Variants in GCNT2 observed in about 807,000 individuals in gnomAD.
GCNT2 encodes the protein N-acetyllactosaminide beta-1,6-N-acetylglucosaminyl-transferase.
Under a neutral mutation model 34.2 loss-of-function variants are expected in GCNT2, and 34 were observed. The observed-to-expected ratio is 1.00, with a 90% confidence interval of 0.76 to 1.32. GCNT2 has a LOEUF of 1.32. GCNT2 is among the 40% of genes most tolerant of loss of function. The pLI, the probability that GCNT2 is intolerant of heterozygous loss-of-function variation, is 0.00. For synonymous variants in GCNT2, 212 were observed against 188.0 expected (o/e 1.13, Z -1.04); for missense variants, 584 against 489.4 (o/e 1.19, Z -1.82).
chr6:10,608,508 A>G (rs1765420589), intron 3 of GCNT2, among the ~76,000 whole-genome samples: 1 of 152,058 alleles, frequency 6.6e-6, no homozygotes, highest in South Asian at 2.1e-4. Context: ...GGGCATTATT[A>G]TTTTCTAAAT....
chr6:10,595,713 T>C (rs1485148522), intron 3 of GCNT2, among the ~76,000 whole-genome samples: 1 of 152,258 alleles, frequency 6.6e-6, no homozygotes, highest in African/African-American at 2.4e-5. Context: ...ACAATTATTC[T>C]ATGTAGGTTT....
chr6:10,557,172 C>T (rs1332579614), intron 3 of GCNT2: 8 of 1,547,648 alleles, frequency 5.2e-6, no homozygotes, highest in South Asian at 1.3e-5. Flanking sequence ...GCGTTGAAAC[C>T]GCCTCCCCCC....
intron 4 of GCNT2, among the ~76,000 whole-genome samples, chr6:10,625,954 T>G (rs1235734062): frequency 6.6e-6 from 1 of 152,224 alleles, no homozygotes; most frequent in Non-Finnish European, 1.5e-5. Context: ...ATAAAAAAGT[T>G]ATGTGTAATA....
chr6:10,605,413 T>A (rs1208861250), intron 3 of GCNT2, among the ~76,000 whole-genome samples: 1 of 151,554 alleles, frequency 6.6e-6, no homozygotes, highest in Non-Finnish European at 1.5e-5. Flanking sequence ...TTTCATCATG[T>A]TGCCCAGGCT....
In GCNT2 at chr6:10,629,203, A is replaced by T. The variant is rs186051583; in HGVS notation, c.*2596A>T. 3 of 152,664 alleles carry T rather than the reference A, an allele frequency of 2.0e-5. No individual in the cohort carries two copies. The highest frequency in any genetic ancestry group is 4.8e-5 in the African/African-American group (2 of 41,460). The allele number at this position is 152,664 out of a possible 1,614,324, so 9.5% of individuals were successfully genotyped here. A position where few individuals can be genotyped will look rare whatever the true frequency, so the allele number is the denominator to read the frequency against. On this transcript the variant is annotated 3_prime_UTR_variant, in exon 5 of 5. Coordinates refer to ENST00000495262, the MANE Select transcript of GCNT2 (RefSeq NM_145649.5). ...GATGTTTACATGTCTGTTGTTGGTC[A>T]TCTCTCCTGTGTCTTAAATACTTTA...
rs1037256654 is a variant in GCNT2, at chr6:10,627,810, A to G, written c.*1203A>G. 4 of 152,208 alleles carry G rather than the reference A, an allele frequency of 2.6e-5. No individual in the cohort carries two copies. Among genetic ancestry groups the G allele is most frequent in the African/African-American group, 9.7e-5 (4 of 41,444 alleles). 9.4% of individuals were successfully genotyped at this position (152,208 alleles called of 1,614,324 possible). On this transcript the variant is annotated 3_prime_UTR_variant, in exon 5 of 5. Coordinates refer to ENST00000495262, the MANE Select transcript of GCNT2 (RefSeq NM_145649.5). ...GGAACACACAGGGCTGTGTAGCATG[A>G]TACCAGGCCCAGGAGATCAGTAATT...
intron 3 of GCNT2, among the ~76,000 whole-genome samples, chr6:10,546,423 C>A (rs1247786412): frequency 2.0e-5 from 3 of 152,120 alleles, no homozygotes; most frequent in Admixed American, 2.0e-4. Flanking sequence ...CTTTGGGAAG[C>A]CGAGGTGGGC....
chr6:10,626,564 T>C lies in GCNT2; in HGVS notation c.1166T>C (p.Leu389Pro), dbSNP rs1766266519. Residue 389 changes from leucine to proline, a missense_variant, in exon 5 of 5, where the codon CTC (leucine) becomes CCC (proline). Physicochemically the swap from Leu to Pro is moderately conservative, Grantham distance 98. Coordinates refer to ENST00000495262, the MANE Select transcript of GCNT2 (RefSeq NM_145649.5). ...GAACTGAGGCATCGCGAAAGAACCC[T>C]CAATCAGAGTGAAACTGCGATACAA... Reference protein sequence around the residue: ...CLELRHRERTLNQSETAIQPS... With the variant: ...CLELRHRERTPNQSETAIQPS... 1 of 1,613,584 alleles carries C rather than the reference T, an allele frequency of 6.2e-7. No homozygotes were observed. Among genetic ancestry groups the C allele is most frequent in the African/African-American group, 1.3e-5 (1 of 74,916 alleles).
intron 3 of GCNT2, among the ~76,000 whole-genome samples, chr6:10,546,500 T>C (rs149579422): frequency 0.01 from 1,590 of 151,916 alleles, 29 homozygotes; most frequent in African/African-American, 0.036. Flanking sequence ...CTACTAAAAA[T>C]ACAAAAAAAT....
At position 10,627,497 on chromosome 6, in the gene GCNT2, C is replaced by T. The variant is rs1055563185; in HGVS notation, c.*890C>T. 4 of 152,130 alleles carry T rather than the reference C, an allele frequency of 2.6e-5. No individual in the cohort carries two copies. Among genetic ancestry groups the T allele is most frequent in the Admixed American group, 2.6e-4 (4 of 15,272 alleles). The allele number at this position is 152,130 out of a possible 1,614,324, so 9.4% of individuals were successfully genotyped here. On this transcript the variant is annotated 3_prime_UTR_variant, in exon 5 of 5. Coordinates refer to ENST00000495262, the MANE Select transcript of GCNT2 (RefSeq NM_145649.5). ...CTATCCTGTGAGGCTTTTAATTGCA[C>T]CATAGTATGCTCTGAGTAGCTTTAC...
intron 3 of GCNT2, among the ~76,000 whole-genome samples, chr6:10,616,145 G>A (rs1301545141): frequency 2.7e-5 from 4 of 149,862 alleles, no homozygotes; most frequent in East Asian, 1.9e-4. Context: ...TCGTGGTCTC[G>A]CTAGCTCAGG....
intron 3 of GCNT2, chr6:10,586,557 A>G (rs1239997584): frequency 1.2e-6 from 2 of 1,614,136 alleles, no homozygotes; most frequent in Non-Finnish European, 1.7e-6. Flanking sequence ...CGTCATCAAC[A>G]CCTGTGGACA....
intron 3 of GCNT2, among the ~76,000 whole-genome samples, chr6:10,574,592 G>A (rs976771228): frequency 1.3e-5 from 2 of 152,138 alleles, no homozygotes; most frequent in Admixed American, 6.5e-5. Flanking sequence ...AATTTAGGAT[G>A]GGGGGAGCAT....
chr6:10,577,842 A>G (rs1763889477), intron 3 of GCNT2, among the ~76,000 whole-genome samples: 1 of 151,760 alleles, frequency 6.6e-6, no homozygotes, highest in African/African-American at 2.4e-5. Context: ...CACCCGGCCT[A>G]TTGAATCCAT....
At chr6:10,623,229 T>C (rs996231767) in intron 4 of GCNT2, among the ~76,000 whole-genome samples, 3 of 97,000 alleles carry the variant, frequency 3.1e-5, no homozygotes, top group African/African-American at 1.1e-4. Flanking sequence ...TTCTGAAGCA[T>C]GTTAATATAT....
At chr6:10,562,175 G>C (rs904769951) in intron 3 of GCNT2, among the ~76,000 whole-genome samples, 4 of 152,124 alleles carry the variant, frequency 2.6e-5, no homozygotes, top group African/African-American at 9.7e-5. Context: ...AACTGTCCCA[G>C]TTTGCCCAGG....
rs754150475 is a variant in GCNT2 at position 10,529,385 on chromosome 6, G to A, written c.474G>A (p.Ser158=). The A allele has an allele frequency of 1.5e-5, 25 of 1,613,926 alleles. No homozygotes were observed. Among genetic ancestry groups the A allele is most frequent in the Non-Finnish European group, 1.9e-5 (23 of 1,180,008 alleles). ...PNAFLASKKE[S]VVYGGISRLQ... The stretch of plus-strand genomic sequence containing the variant: ...CTTTTCTGGCTTCCAAGAAGGAGTC[G>A]GTTGTCTATGGGGGGATCTCCAGGC... The change falls in exon 3 of 5, where the codon TCG becomes TCA. Residue 158 remains serine (S), a synonymous_variant. Transcript: ENST00000495262.
At chr6:10,623,049 G>A (rs370230680) in intron 4 of GCNT2, among the ~76,000 whole-genome samples, 29 of 151,926 alleles carry the variant, frequency 1.9e-4, no homozygotes, top group African/African-American at 6.0e-4. Flanking sequence ...TACTGCGCCC[G>A]GCCCCATCTT....
Position 10,536,026 on chromosome 6 carries a change from A to G in GCNT2, c.925+6190A>G, listed in dbSNP as rs551837913. Among the ~76,000 whole-genome samples, 135 of 152,220 alleles carry G rather than the reference A, an allele frequency of 8.9e-4. 1 individual carries two copies. The highest frequency in any genetic ancestry group is 2.8e-3 in the African/African-American group (118 of 41,502). On this transcript the variant is annotated intron_variant, in intron 3 of 4. Coordinates refer to ENST00000495262, the MANE Select transcript of GCNT2 (RefSeq NM_145649.5). The stretch of plus-strand genomic sequence containing the variant: ...TACTCTTTGTCACTGTTTGAGGCTG[A>G]TATATCCCGTTAGTTCCTCTATATG...
Sources: gnomAD v4.1 joint callset for allele counts (sites outside exome capture counted in the v4.1 genomes callset) on GRCh38, gnomAD v4.1.1 for gene constraint, MANE v1.5 for transcripts, NCBI Gene and HGNC (gene_info 2026-07-23, HGNC 2026-07-21) for gene names.